The following CUX2 variants were observed in gnomAD, a reference collection of about 807,000 sequenced individuals.
CUX2 encodes the protein homeobox protein cut-like 2.
CUX2 carries 40 observed loss-of-function variants against 144.8 expected under a neutral mutation model. The observed-to-expected ratio is 0.28, with a 90% confidence interval of 0.21 to 0.36. CUX2 has a LOEUF of 0.36. Ranked by LOEUF, CUX2 falls within the 10% of genes least tolerant of loss-of-function variation. The pLI, the probability that CUX2 is intolerant of heterozygous loss-of-function variation, is 1.00. For synonymous variants in CUX2, 827 were observed against 875.6 expected (o/e 0.94, Z 0.98); for missense variants, 1,615 against 1,994.0 (o/e 0.81, Z 3.62).
chr12:111,310,702 C>G lies in CUX2; in HGVS notation c.1900+20C>G, dbSNP rs553371127. 9 of 1,563,140 alleles carry G rather than the reference C, an allele frequency of 5.8e-6. No individual in the cohort carries two copies. Among genetic ancestry groups the G allele is most frequent in the Non-Finnish European group, 7.0e-6 (8 of 1,149,520 alleles). On this transcript the variant is annotated intron_variant, in intron 15 of 21. Transcript: ENST00000261726. This position sits in a 1 kb window ranked among gnomAD's most constrained non-coding sequence, Gnocchi z 7.9. Reference sequence around the variant, plus strand: ...AGCGAGGTGAGTGCCCAAGAGGGCCCGTCCCCGCTGGCCACCACGCCAGGT... The same window carrying G: ...AGCGAGGTGAGTGCCCAAGAGGGCCGGTCCCCGCTGGCCACCACGCCAGGT...
chr12:111,228,113 A>C (rs1882259860), intron 3 of CUX2, among the ~76,000 whole-genome samples: 2 of 152,178 alleles, frequency 1.3e-5, no homozygotes, highest in Admixed American at 1.3e-4. Flanking sequence ...TGCCCTGGGG[A>C]TAGGCAGGGA....
chr12:111,285,831 G>A (rs538268085), intron 4 of CUX2, among the ~76,000 whole-genome samples: 1 of 152,324 alleles, frequency 6.6e-6, no homozygotes, highest in East Asian at 1.9e-4. Context: ...CAAGGCATCT[G>A]GATGTCACCG....
At chr12:111,340,742 A>G (rs1888540305) in intron 20 of CUX2, among the ~76,000 whole-genome samples, 1 of 152,260 alleles carries the variant, frequency 6.6e-6, no homozygotes, top group Non-Finnish European at 1.5e-5. Flanking sequence ...TGGCATGCTT[A>G]TAGTGGTCCA....
intron 3 of CUX2, among the ~76,000 whole-genome samples, chr12:111,219,225 C>A (rs1318918995): frequency 6.6e-6 from 1 of 152,138 alleles, no homozygotes; most frequent in Non-Finnish European, 1.5e-5. Flanking sequence ...TTCATCCTTT[C>A]ATTTTATTAC....
At chr12:111,177,118 C>T (rs1878902510) in intron 1 of CUX2, among the ~76,000 whole-genome samples, 2 of 152,170 alleles carry the variant, frequency 1.3e-5, no homozygotes, top group Non-Finnish European at 2.9e-5. Context: ...TGCTGGGCTC[C>T]TTCAGGATGT....
intron 1 of CUX2, among the ~76,000 whole-genome samples, chr12:111,174,609 T>C (rs951858545): frequency 2.0e-5 from 3 of 152,224 alleles, no homozygotes; most frequent in Non-Finnish European, 4.4e-5. Context: ...GGTGGAGTTG[T>C]GCCCATTTTG....
At position 111,287,623 on chromosome 12, in the gene CUX2, C is replaced by A. The variant is rs1885455256; in HGVS notation, c.302-3795C>A. Among the ~76,000 whole-genome samples, 1 of 152,248 alleles carries A rather than the reference C, an allele frequency of 6.6e-6. No homozygotes were observed. The highest frequency in any genetic ancestry group is 6.5e-5 in the Admixed American group (1 of 15,288). On this transcript the variant is annotated intron_variant, in intron 4 of 21. Coordinates refer to ENST00000261726, the MANE Select transcript of CUX2 (RefSeq NM_015267.4). This position sits in a 1 kb window ranked among gnomAD's most constrained non-coding sequence, Gnocchi z 4.2. Reference sequence around the variant, plus strand: ...TAATTATGTCAATGTATAATTACATCAGCCCGGGGAGACATAATGGCATAC... The same window carrying A: ...TAATTATGTCAATGTATAATTACATAAGCCCGGGGAGACATAATGGCATAC...
intron 1 of CUX2, among the ~76,000 whole-genome samples, chr12:111,200,996 G>A (rs1880548362): frequency 6.6e-6 from 1 of 152,176 alleles, no homozygotes. Context: ...GGGGCAGGGG[G>A]AGGTCAGGCA....
At chr12:111,194,598 G>C (rs149201634) in intron 1 of CUX2, among the ~76,000 whole-genome samples, 8 of 152,252 alleles carry the variant, frequency 5.3e-5, no homozygotes, top group African/African-American at 1.9e-4. Context: ...CCTGTAGCAG[G>C]GACGCTGGTC....
At chr12:111,237,364 G>A (rs1340286201) in intron 3 of CUX2, among the ~76,000 whole-genome samples, 1 of 152,062 alleles carries the variant, frequency 6.6e-6, no homozygotes, top group East Asian at 1.9e-4. Context: ...ATCCTCAATT[G>A]TCCTTCAAGA....
At chr12:111,132,190 A>G (rs955904783) in intron 1 of CUX2, among the ~76,000 whole-genome samples, 51 of 152,290 alleles carry the variant, frequency 3.3e-4, no homozygotes, top group African/African-American at 1.2e-3. Context: ...GAAGCTGCCA[A>G]AGCTTGGGGC....
intron 1 of CUX2, among the ~76,000 whole-genome samples, chr12:111,176,039 C>CTTTTTTTTTTTTTT (rs1172563784): frequency 1.4e-5 from 1 of 70,196 alleles, no homozygotes; most frequent in African/African-American, 6.6e-5. Context: ...TCTTCTTCTT[C>CTTTTTTTTTTTTTT]TTTTTTTTTT....
chr12:111,099,290 C>G (rs1027706748), intron 1 of CUX2, among the ~76,000 whole-genome samples: 7 of 152,242 alleles, frequency 4.6e-5, no homozygotes, highest in African/African-American at 1.7e-4. Flanking sequence ...TTCAGAGTGC[C>G]TGGGACCTCC....
intron 1 of CUX2, among the ~76,000 whole-genome samples, chr12:111,139,016 C>T (rs1372581807): frequency 4.6e-5 from 7 of 151,462 alleles, no homozygotes; most frequent in Non-Finnish European, 8.8e-5. Context: ...GCCCCCAGAT[C>T]CCCATCTCAG....
intron 19 of CUX2, among the ~76,000 whole-genome samples, chr12:111,336,424 TTGTGTGTGTGTG>T (rs57009074): frequency 5.0e-4 from 73 of 146,132 alleles, no homozygotes; most frequent in African/African-American, 1.6e-3. Context: ...CACTTCAGTG[TTGTGTGTGTGTG>T]TGTGTGTGTG....
At chr12:111,299,865 C>T (rs972456931) in intron 9 of CUX2, among the ~76,000 whole-genome samples, 4 of 152,132 alleles carry the variant, frequency 2.6e-5, no homozygotes, top group African/African-American at 9.7e-5. Flanking sequence ...CATTCACAAG[C>T]CCACGAATAT....
At chr12:111,055,461 G>A (rs1870473552) in intron 1 of CUX2, among the ~76,000 whole-genome samples, 1 of 152,262 alleles carries the variant, frequency 6.6e-6, no homozygotes, top group Non-Finnish European at 1.5e-5. Flanking sequence ...TGCAAGCAAG[G>A]GGGTTGGTCC....
intron 1 of CUX2, among the ~76,000 whole-genome samples, chr12:111,193,605 C>T (rs938805667): frequency 2.0e-5 from 3 of 152,188 alleles, no homozygotes; most frequent in African/African-American, 7.2e-5. Flanking sequence ...TGGATAAAGA[C>T]GGATGGAAAT....
intron 1 of CUX2, among the ~76,000 whole-genome samples, chr12:111,144,077 C>G (rs953218137): frequency 3.3e-5 from 5 of 152,222 alleles, no homozygotes; most frequent in South Asian, 4.1e-4. Context: ...GTGGACCCCC[C>G]ACTGCCTGGT....
Sources: gnomAD v4.1 joint callset for allele counts (sites outside exome capture counted in the v4.1 genomes callset) on GRCh38, gnomAD v4.1.1 for gene constraint, Gnocchi (gnomAD v3.1) non-coding constraint, MANE v1.5 for transcripts, NCBI Gene and HGNC (gene_info 2026-07-23, HGNC 2026-07-21) for gene names.